PPARGC1A: variants seen among roughly 807,000 people sequenced by gnomAD.
PPARGC1A encodes peroxisome proliferator-activated receptor gamma coactivator 1-alpha.
In PPARGC1A, 25 loss-of-function variants were observed where a neutral mutation model predicts 88.7. That is an observed-to-expected ratio of 0.28 (90% confidence interval 0.21 to 0.39). The LOEUF (loss-of-function observed/expected upper bound fraction) is 0.39. PPARGC1A is among the 10% of genes least tolerant of loss of function. The pLI is 1.00. For synonymous variants in PPARGC1A, 363 were observed against 355.6 expected, an observed-to-expected ratio of 1.02 and a Z score of -0.24; for missense variants, 880 against 968.7, an observed-to-expected ratio of 0.91 and a Z score of 1.22.
chr4:24,107,308 A>G, the PPARGC1A span, among the ~76,000 whole-genome samples: 3 of 152,232 alleles, frequency 2.0e-5, no homozygotes. Context: ...GTTGAAGATT[A>G]TAATGAACCG....
chr4:24,350,045 A>T, the PPARGC1A span, among the ~76,000 whole-genome samples: 7 of 152,206 alleles, frequency 4.6e-5, no homozygotes, highest in Non-Finnish European at 7.3e-5. Context: ...GTGAAGTTGG[A>T]AACGTCTCCA....
the PPARGC1A span, among the ~76,000 whole-genome samples, chr4:24,077,156 A>T: frequency 6.6e-6 from 1 of 152,078 alleles, no homozygotes; most frequent in East Asian, 1.9e-4. Context: ...CACAGCTGAC[A>T]TTCTAGTGCT....
the PPARGC1A span, among the ~76,000 whole-genome samples, chr4:24,409,713 A>G: frequency 2.8e-4 from 43 of 152,134 alleles, no homozygotes; most frequent in African/African-American, 1.0e-3. Context: ...ACTATAAGAC[A>G]TGTAGGGTGT....
chr4:23,856,016 C>G (rs762003040), intron 2 of PPARGC1A, among the ~76,000 whole-genome samples: 31 of 152,286 alleles, frequency 2.0e-4, no homozygotes, highest in Middle Eastern at 3.4e-3. Context: ...AGTGTTATGT[C>G]ACTTGAAACC....
chr4:23,957,348 G>C, the PPARGC1A span, among the ~76,000 whole-genome samples: 1 of 152,022 alleles, frequency 6.6e-6, no homozygotes, highest in Non-Finnish European at 1.5e-5. Context: ...CCTTAAGGCA[G>C]GGTCTCTGTT....
the PPARGC1A span, among the ~76,000 whole-genome samples, chr4:24,382,806 G>A: frequency 7.9e-5 from 12 of 152,328 alleles, no homozygotes; most frequent in East Asian, 9.7e-4. Flanking sequence ...GGTTGTGGAC[G>A]CAGCTTCGGC....
chr4:23,877,667 T>C (rs1715077444), intron 2 of PPARGC1A: 1 of 152,076 alleles, frequency 6.6e-6, no homozygotes, highest in African/African-American at 2.4e-5. Context: ...ACAATAAAAT[T>C]TTTCATTACT....
At chr4:24,288,741 C>T in the PPARGC1A span, among the ~76,000 whole-genome samples, 1 of 150,798 alleles carries the variant, frequency 6.6e-6, no homozygotes, top group Non-Finnish European at 1.5e-5. Context: ...AGAGGAATGG[C>T]TATTTTAAAA....
the PPARGC1A span, among the ~76,000 whole-genome samples, chr4:24,238,745 A>ATGTGTGTGTGTGTGTG: frequency 1.6e-5 from 2 of 121,808 alleles, no homozygotes; most frequent in African/African-American, 3.0e-5. Context: ...AAGGTTGTAT[A>ATGTGTGTGTGTGTGTG]TGTGTGTGTG....
At chr4:24,001,302 T>C in the PPARGC1A span, among the ~76,000 whole-genome samples, 1 of 152,218 alleles carries the variant, frequency 6.6e-6, no homozygotes. Context: ...ATCTTCAAGA[T>C]GCACCTTTAT....
upstream of PPARGC1A, among the ~76,000 whole-genome samples, chr4:23,906,912 A>G (rs1720114644): frequency 6.6e-6 from 1 of 152,148 alleles, no homozygotes; most frequent in Non-Finnish European, 1.5e-5. Flanking sequence ...ATAAGAATAA[A>G]ACAAACTCCA....
chr4:24,168,702 A>G, the PPARGC1A span, among the ~76,000 whole-genome samples: 21 of 152,146 alleles, frequency 1.4e-4, no homozygotes, highest in Non-Finnish European at 2.4e-4. Context: ...CTAGCCACCA[A>G]CTGAAAGAAT....
chr4:24,081,738 A>G, the PPARGC1A span, among the ~76,000 whole-genome samples: 1 of 149,946 alleles, frequency 6.7e-6, no homozygotes, highest in Admixed American at 6.6e-5. Flanking sequence ...TCATTTAAGA[A>G]CACAATTTTT....
the PPARGC1A span, among the ~76,000 whole-genome samples, chr4:24,368,426 T>TA: frequency 1.5e-4 from 23 of 152,000 alleles, no homozygotes; most frequent in Admixed American, 6.6e-4. Context: ...TTTAAAACAT[T>TA]AAAAAAAATT....
At chr4:24,352,310 C>A in the PPARGC1A span, among the ~76,000 whole-genome samples, 1 of 152,294 alleles carries the variant, frequency 6.6e-6, no homozygotes, top group Non-Finnish European at 1.5e-5. Context: ...ATGTAAGGCG[C>A]CCTCCCCTGT....
chr4:24,324,040 G>A, the PPARGC1A span, among the ~76,000 whole-genome samples: 7 of 152,182 alleles, frequency 4.6e-5, no homozygotes, highest in Admixed American at 2.6e-4. Context: ...CTCTGGCGCC[G>A]GTCACGGACT....
the PPARGC1A span, among the ~76,000 whole-genome samples, chr4:24,327,051 C>T: frequency 3.9e-5 from 6 of 152,236 alleles, no homozygotes. Flanking sequence ...CAGTGACAGA[C>T]TAATGGTCTA....
the PPARGC1A span, among the ~76,000 whole-genome samples, chr4:24,380,204 T>C: frequency 6.6e-6 from 1 of 152,126 alleles, no homozygotes; most frequent in African/African-American, 2.4e-5. Flanking sequence ...GAGAGCACAG[T>C]ACATGGGAGT....
chr4:24,270,910 T>G, the PPARGC1A span, among the ~76,000 whole-genome samples: 1 of 152,084 alleles, frequency 6.6e-6, no homozygotes, highest in Non-Finnish European at 1.5e-5. Context: ...AGGAAAAAAA[T>G]CCATAAAAAC....
Sources: allele counts gnomAD v4.1 joint callset (sites outside exome capture counted in the v4.1 genomes callset), GRCh38; gene constraint gnomAD v4.1.1; transcripts MANE v1.5; gene names NCBI Gene and HGNC (gene_info 2026-07-23, HGNC 2026-07-21).